The following PELP1 variants were observed in gnomAD, a reference collection of about 807,000 sequenced individuals.
The protein encoded by PELP1 is proline, glutamate and leucine rich protein 1.
A neutral mutation model predicts 95.5 loss-of-function variants in PELP1; 32 were observed. The observed-to-expected ratio is 0.34, with a 90% CI of 0.25 to 0.45. PELP1 has a LOEUF of 0.45. PELP1 is among the 20% of genes least tolerant of loss of function. The probability of loss-of-function intolerance (pLI) is 1.00; values close to 1 mark genes in which losing one functional copy is unlikely to be tolerated. For synonymous variants in PELP1, 668 were observed against 600.1 expected, an observed-to-expected ratio of 1.11 and a Z score of -1.65; for missense variants, 1,358 against 1,444.8, an observed-to-expected ratio of 0.94 and a Z score of 0.97.
At chr17:4,691,467 G>A (rs200041575) in intron 1 of PELP1, 25 bp from the exon 2 acceptor site, 268 of 1,585,942 alleles carry the variant, frequency 1.7e-4, no homozygotes, top group Non-Finnish European at 2.1e-4. Context: ...ACAGGGAAGC[G>A]AGTCACAAAC....
At chr17:4,686,209 T>G (rs1912905584) in intron 3 of PELP1, among the ~76,000 whole-genome samples, 1 of 152,288 alleles carries the variant, frequency 6.6e-6, no homozygotes, top group South Asian at 2.1e-4. Context: ...GTGCTTCTAC[T>G]GAATGCTCAA....
chr17:4,690,408 C>T (rs1452569561), intron 3 of PELP1, among the ~76,000 whole-genome samples: 1 of 151,936 alleles, frequency 6.6e-6, no homozygotes, highest in Non-Finnish European at 1.5e-5. Context: ...CCACCTGTTC[C>T]CCAAAACTAC....
Position 4,675,042 on chromosome 17 carries a change from T to C in PELP1, c.1274+37A>G. The C allele has an allele frequency of 2.5e-6, 4 of 1,607,970 alleles. No individual in the cohort carries two copies. The highest frequency in any genetic ancestry group is 3.4e-6 in the Non-Finnish European group (4 of 1,174,828). On this transcript the variant is annotated intron_variant, in intron 11 of 16. Transcript: ENST00000572293. This position sits in a 1 kb window ranked among gnomAD's most constrained non-coding sequence, Gnocchi z 4.3. ...CCACCTGCACCCCCTCACCCCCCTCTCCTCTTTATTCCCTTCCTGCCTTCC... is the reference window on the plus strand; with the variant it reads ...CCACCTGCACCCCCTCACCCCCCTCCCCTCTTTATTCCCTTCCTGCCTTCC...
chr17:4,672,481 C>T lies in PELP1; in HGVS notation c.2510G>A (p.Gly837Glu), dbSNP rs754984345. ...EEPEELPAAPGPLPPPPPPPP... is the reference protein window; with the variant it reads ...EEPEELPAAPEPLPPPPPPPP... ...CGGAGGTGGGGGTGGCGGGAGAGGC[C>T]CTGGGGCTGCAGGAAGTTCTTCAGG... Residue 837 changes from glycine (G) to glutamate (E), a missense_variant, in exon 16 of 17, where the codon GGG (glycine) becomes GAG (glutamate). By Grantham distance (98) the Gly-to-Glu change is moderately conservative. Transcript: ENST00000572293. 95 of 1,569,202 alleles carry T rather than the reference C, an allele frequency of 6.1e-5. No homozygotes were observed. The highest frequency in any genetic ancestry group is 9.1e-5 in the Admixed American group (5 of 54,824).
chr17:4,691,223 C>T (rs1913086850), intron 2 of PELP1, 155 bp downstream of exon 2: 1 of 671,404 alleles, frequency 1.5e-6, no homozygotes, highest in Non-Finnish European at 2.6e-6. Flanking sequence ...GGGTTCAAAT[C>T]AAGTGAGCTC....
chr17:4,691,535 G>A, intron 1 of PELP1, 93 bp from the exon 2 acceptor site: 5 of 1,023,856 alleles, frequency 4.9e-6, no homozygotes, highest in Non-Finnish European at 7.6e-6. Context: ...CACCTATGAA[G>A]CCTTTCTGAA....
chr17:4,698,292 T>C (rs1302671321), intron 1 of PELP1, among the ~76,000 whole-genome samples: 2 of 151,818 alleles, frequency 1.3e-5, no homozygotes, highest in African/African-American at 4.8e-5. Context: ...AATATCAAGA[T>C]CATAAGACAA....
chr17:4,677,859 C>T (rs1290325993), intron 5 of PELP1, among the ~76,000 whole-genome samples: 1 of 151,166 alleles, frequency 6.6e-6, no homozygotes. Flanking sequence ...AAGCCCAGAA[C>T]CGAGATCATG....
rs575247118 is a variant in PELP1, at chr17:4,673,705, G to T, written c.1583-31C>A. 2.8e-4 allele frequency: 445 copies of T among 1,601,612 alleles called. 2 individuals are homozygous for T. Among genetic ancestry groups the T allele is most frequent in the Non-Finnish European group, 1.1e-4 (133 of 1,168,602 alleles). On this transcript the variant is annotated intron_variant, in intron 13 of 16. Transcript: ENST00000572293. This position sits in a 1 kb window ranked among gnomAD's most constrained non-coding sequence, Gnocchi z 5.7. The stretch of plus-strand genomic sequence containing the variant: ...GAAGAAGAATGGTGTGTAAAGGGTA[G>T]GCTCCCAACAGACTGACGGCAAGGG...
At chr17:4,691,672 T>C (rs1913106867) in intron 1 of PELP1, 4 of 547,072 alleles carry the variant, frequency 7.3e-6, no homozygotes, top group Non-Finnish European at 9.8e-6. Context: ...CTTCCCTCCA[T>C]GCCCCACCCA....
intron 1 of PELP1, among the ~76,000 whole-genome samples, chr17:4,693,509 A>C (rs1597456219): frequency 6.6e-6 from 1 of 152,210 alleles, no homozygotes; most frequent in East Asian, 1.9e-4. Context: ...CAGTACAGCA[A>C]CTATAATAAT....
At chr17:4,688,378 T>C (rs186792508) in intron 3 of PELP1, among the ~76,000 whole-genome samples, 2 of 151,574 alleles carry the variant, frequency 1.3e-5, no homozygotes, top group Admixed American at 1.3e-4. Context: ...AAAGGACATC[T>C]AAATCGGTAA....
At chr17:4,701,092 G>T (rs983776020) in intron 1 of PELP1, among the ~76,000 whole-genome samples, 1 of 151,380 alleles carries the variant, frequency 6.6e-6, no homozygotes, top group Admixed American at 6.6e-5. Context: ...AGCATAGGGT[G>T]GGGTGGGGAA....
In PELP1 at chr17:4,675,219, C is replaced by T. The variant is rs777747578; in HGVS notation, c.1158-24G>A. 1.9e-6 allele frequency: 3 copies of T among 1,609,182 alleles called. No individual in the cohort carries two copies. Among genetic ancestry groups the T allele is most frequent in the Non-Finnish European group, 2.5e-6 (3 of 1,177,858 alleles). On this transcript the variant is annotated intron_variant, in intron 10 of 16. Transcript: ENST00000572293. This position sits in a 1 kb window ranked among gnomAD's most constrained non-coding sequence, Gnocchi z 4.3. ...ACCTGGGGCAGAGAAGGAATGGTGA[C>T]CCTCGTTTCTGGCACGCCCTATCCC...
chr17:4,684,651 T>C (rs190210441), intron 3 of PELP1, among the ~76,000 whole-genome samples: 43 of 152,298 alleles, frequency 2.8e-4, no homozygotes, highest in African/African-American at 1.0e-3. Flanking sequence ...CTGACATTTA[T>C]ACAGCTCAAG....
In PELP1 at chr17:4,703,843, C is replaced by T. The variant is rs1913651013; in HGVS notation, c.249+20G>A. On this transcript the variant is annotated intron_variant, in intron 1 of 16. Coordinates refer to ENST00000572293, the MANE Select transcript of PELP1 (RefSeq NM_014389.3). The stretch of plus-strand genomic sequence containing the variant: ...GCCATCCTCCCCACAGGGCCGCGGG[C>T]ACGCGGGCCACGGACTCACCTGGGC... The T allele has an allele frequency of 5.0e-6, 8 of 1,595,380 alleles. No individual in the cohort carries two copies. The highest frequency in any genetic ancestry group is 2.2e-5 in the South Asian group (2 of 89,530).
intron 1 of PELP1, among the ~76,000 whole-genome samples, chr17:4,700,849 T>C (rs117009157): frequency 0.023 from 3,354 of 149,056 alleles, 62 homozygotes; most frequent in Non-Finnish European, 0.036. Flanking sequence ...TACTTGAACC[T>C]GGGAGGTTGA....
chr17:4,692,423 T>C (rs8069067), intron 1 of PELP1, among the ~76,000 whole-genome samples: 148,202 of 151,582 alleles, frequency 0.98, 72,530 homozygotes, highest in Middle Eastern at 1. Context: ...GCCGAGATCA[T>C]GCCACTGCAC....
intron 1 of PELP1, among the ~76,000 whole-genome samples, chr17:4,698,421 T>G (rs1198155984): frequency 6.7e-6 from 1 of 149,470 alleles, no homozygotes; most frequent in Admixed American, 6.7e-5. Context: ...TGATCTGAGG[T>G]CAGGAGTTCG....
Sources: allele counts gnomAD v4.1 joint callset (sites outside exome capture counted in the v4.1 genomes callset), GRCh38; gene constraint gnomAD v4.1.1; non-coding constraint Gnocchi (gnomAD v3.1); transcripts MANE v1.5; gene names NCBI Gene and HGNC (gene_info 2026-07-23, HGNC 2026-07-21).